The following TRIM2 variants were observed in gnomAD, a reference collection of about 807,000 sequenced individuals.
TRIM2 encodes tripartite motif containing 2.
In TRIM2, 20 loss-of-function variants were observed where a neutral mutation model predicts 75.2. The observed-to-expected ratio is 0.27, with a 90% CI of 0.19 to 0.39. The LOEUF is 0.39. Among genes scored for constraint, TRIM2 ranks in the 10% least tolerant of loss-of-function variants. The probability of loss-of-function intolerance (pLI) is 1.00; values close to 1 mark genes in which losing one functional copy is unlikely to be tolerated. For synonymous variants in TRIM2, 373 were observed against 388.3 expected, an observed-to-expected ratio of 0.96 and a Z score of 0.46; for missense variants, 660 against 990.8, an observed-to-expected ratio of 0.67 and a Z score of 4.48.
rs1772553777 is a variant in TRIM2 at position 153,337,243 on chromosome 4, T to C, written c.*2277T>C. On this transcript the variant is annotated 3_prime_UTR_variant, in exon 12 of 12. Transcript: ENST00000338700. ...TTTAGATTCTTTCTGTCCCAGGCTG[T>C]TGATCTTAAAACTAGTTGATTTAAA... 2.0e-6 allele frequency: 2 copies of C among 985,558 alleles called. No individual in the cohort carries two copies. Among genetic ancestry groups the C allele is most frequent in the Non-Finnish European group, 2.4e-6 (2 of 829,932 alleles). 61.1% of individuals were successfully genotyped at this position (985,558 alleles called of 1,614,324 possible). A position where few individuals can be genotyped will look rare whatever the true frequency, so the allele number is the denominator to read the frequency against.
chr4:153,260,113 T>A (rs1753024708), intron 1 of TRIM2, among the ~76,000 whole-genome samples: 1 of 152,158 alleles, frequency 6.6e-6, no homozygotes, highest in African/African-American at 2.4e-5. Flanking sequence ...TGTCTCTTAG[T>A]TCTGTTGTGA....
At chr4:153,245,941 A>G (rs1454041971) in intron 1 of TRIM2, among the ~76,000 whole-genome samples, 3 of 152,202 alleles carry the variant, frequency 2.0e-5, no homozygotes, top group African/African-American at 7.2e-5. Context: ...AGCCTCTGAA[A>G]GTGCTGGGAT....
intron 6 of TRIM2, among the ~76,000 whole-genome samples, chr4:153,314,023 AT>A (rs1766986628): frequency 6.6e-6 from 1 of 151,984 alleles, no homozygotes; most frequent in Admixed American, 6.5e-5. Context: ...CTTCCTGGTC[AT>A]TTTTGAGCAA....
chr4:153,309,668 G>A (rs1235379426), intron 6 of TRIM2: 1 of 147,286 alleles, frequency 6.8e-6, no homozygotes, highest in East Asian at 2.0e-4. Context: ...GAGTCTTGCA[G>A]GCTGAAGTAC....
chr4:153,163,917 T>G (rs1005404080), intron 1 of TRIM2, among the ~76,000 whole-genome samples: 2 of 152,118 alleles, frequency 1.3e-5, no homozygotes, highest in African/African-American at 4.8e-5. Flanking sequence ...ACTGTACCTT[T>G]TAAGACAATG....
At chr4:153,241,567 CAG>C (rs1746612201) in intron 1 of TRIM2, among the ~76,000 whole-genome samples, 1 of 152,152 alleles carries the variant, frequency 6.6e-6, no homozygotes, top group African/African-American at 2.4e-5. Context: ...AGGAAGGCCT[CAG>C]AGAGGAGGCA....
At chr4:153,180,638 C>T (rs1731957531) in intron 1 of TRIM2, among the ~76,000 whole-genome samples, 3 of 152,128 alleles carry the variant, frequency 2.0e-5, no homozygotes, top group Admixed American at 6.6e-5. Context: ...CCACCACGCT[C>T]AGCTAATTTT....
chr4:153,157,237 G>C (rs193157380), intron 1 of TRIM2: 1 of 152,226 alleles, frequency 6.6e-6, no homozygotes, highest in Admixed American at 6.5e-5. Flanking sequence ...GGCTAAGCAG[G>C]CAAAACCAGA....
intron 1 of TRIM2, among the ~76,000 whole-genome samples, chr4:153,195,426 G>C (rs1446993239): frequency 6.6e-6 from 1 of 152,144 alleles, no homozygotes; most frequent in African/African-American, 2.4e-5. Context: ...TGATGTGGGA[G>C]GATCATCTGA....
chr4:153,266,458 A>T (rs10017795), intron 1 of TRIM2, among the ~76,000 whole-genome samples: 94,621 of 150,280 alleles, frequency 0.63, 30,679 homozygotes, highest in African/African-American at 0.78. Flanking sequence ...TTCTCCTGCC[A>T]CAGCCTCCTG....
chr4:153,288,307 C>T (rs566202070), intron 3 of TRIM2, among the ~76,000 whole-genome samples: 33 of 152,002 alleles, frequency 2.2e-4, no homozygotes, highest in African/African-American at 5.1e-4. Flanking sequence ...GATGGTGGCG[C>T]GCACCTGTAA....
intron 1 of TRIM2, among the ~76,000 whole-genome samples, chr4:153,172,673 T>C (rs940244394): frequency 2.6e-5 from 4 of 152,202 alleles, no homozygotes; most frequent in African/African-American, 9.6e-5. Flanking sequence ...CAGTGCCCTG[T>C]CTGCTGGAAA....
In TRIM2 at chr4:153,295,845, G is replaced by A. The variant is rs1762656339; in HGVS notation, c.1319G>A (p.Arg440Gln). 4 of 1,614,048 alleles carry A rather than the reference G, an allele frequency of 2.5e-6. No homozygotes were observed. Among genetic ancestry groups the A allele is most frequent in the Non-Finnish European group, 3.4e-6 (4 of 1,180,006 alleles). ...LSLRLYDQHI[R>Q]GSPFKLKVIR... ...CTGAGACTCTATGACCAGCACATCC[G>A]AGGCAGCCCGTTTAAGCTGAAAGTG... Residue 440 changes from arginine (R) to glutamine (Q), a missense_variant, in exon 6 of 12, where the codon CGA (arginine) becomes CAA (glutamine). This residue lies in a region of TRIM2 where 620 missense variants were observed against 891.0 expected (regional missense o/e 0.70). Transcript: ENST00000338700. This position sits in a 1 kb window ranked among gnomAD's most constrained non-coding sequence, Gnocchi z 7.2.
At chr4:153,270,917 C>T (rs1471042638) in intron 2 of TRIM2, among the ~76,000 whole-genome samples, 1 of 152,160 alleles carries the variant, frequency 6.6e-6, no homozygotes, top group Non-Finnish European at 1.5e-5. Flanking sequence ...CATCTGCATA[C>T]ATGAGTTGTT....
chr4:153,238,438 C>T (rs890744639), intron 1 of TRIM2, among the ~76,000 whole-genome samples: 1 of 152,102 alleles, frequency 6.6e-6, no homozygotes, highest in Non-Finnish European at 1.5e-5. Flanking sequence ...ACAGGAGAGA[C>T]ATGTAGAATA....
chr4:153,185,277 G>A (rs769694113), intron 1 of TRIM2, among the ~76,000 whole-genome samples: 42 of 152,102 alleles, frequency 2.8e-4, no homozygotes, highest in Non-Finnish European at 4.6e-4. Context: ...CCAGTAGATC[G>A]CCCAATAAGT....
intron 1 of TRIM2, among the ~76,000 whole-genome samples, chr4:153,246,228 G>T (rs1049579973): frequency 6.6e-6 from 1 of 152,150 alleles, no homozygotes; most frequent in African/African-American, 2.4e-5. Flanking sequence ...CCTATAAAAA[G>T]TATCTCTTTT....
intron 1 of TRIM2, among the ~76,000 whole-genome samples, chr4:153,250,439 A>G (rs1750590263): frequency 6.6e-6 from 1 of 152,140 alleles, no homozygotes; most frequent in Non-Finnish European, 1.5e-5. Flanking sequence ...CTTTTCTACA[A>G]AACTACAGAA....
chr4:153,241,849 C>A (rs1293146629), intron 1 of TRIM2, among the ~76,000 whole-genome samples: 2 of 152,136 alleles, frequency 1.3e-5, no homozygotes. Flanking sequence ...GGATAAAGGT[C>A]CCAGGATGCT....
Sources: gnomAD v4.1 joint callset for allele counts (sites outside exome capture counted in the v4.1 genomes callset) on GRCh38, gnomAD v4.1.1 for gene constraint, gnomAD v4.1.1 regional missense constraint, Gnocchi (gnomAD v3.1) non-coding constraint, MANE v1.5 for transcripts, NCBI Gene and HGNC (gene_info 2026-07-23, HGNC 2026-07-21) for gene names.